Variants in CIMIP2C observed in about 807,000 individuals in gnomAD.
The protein encoded by CIMIP2C is UPF0573 protein C2orf70.
chr2:26,563,415 G>A, the CIMIP2C span, among the ~76,000 whole-genome samples: 3 of 152,172 alleles, frequency 2.0e-5, no homozygotes, highest in Non-Finnish European at 4.4e-5. Flanking sequence ...GTTGCCTCCT[G>A]TTCTTTGGCT....
the CIMIP2C span, chr2:26,575,882 A>C: frequency 1.2e-6 from 2 of 1,606,352 alleles, no homozygotes; most frequent in African/African-American, 1.3e-5. Flanking sequence ...TGGCTCCACC[A>C]CCCCCACCGT....
the CIMIP2C span, among the ~76,000 whole-genome samples, chr2:26,565,046 T>TCCTTCC: frequency 6.6e-6 from 1 of 151,764 alleles, no homozygotes; most frequent in African/African-American, 2.4e-5. Context: ...CTTCTCCTTC[T>TCCTTCC]CCTTCTCCTT....
the CIMIP2C span, among the ~76,000 whole-genome samples, chr2:26,565,685 T>A: frequency 6.6e-6 from 1 of 152,158 alleles, no homozygotes; most frequent in African/African-American, 2.4e-5. Flanking sequence ...ACCTTATCTG[T>A]TCAATGGGGA....
chr2:26,562,604 G>C, the CIMIP2C span: 1 of 1,571,360 alleles, frequency 6.4e-7, no homozygotes, highest in Non-Finnish European at 8.6e-7. Flanking sequence ...CTGTACTCGC[G>C]CACCCACCAT....
At chr2:26,573,341 C>T in the CIMIP2C span, among the ~76,000 whole-genome samples, 1 of 152,238 alleles carries the variant, frequency 6.6e-6, no homozygotes, top group Admixed American at 6.5e-5. Context: ...GGGCACCAGC[C>T]TTTACTGTGG....
the CIMIP2C span, among the ~76,000 whole-genome samples, chr2:26,572,430 G>A: frequency 7.9e-5 from 12 of 151,854 alleles, no homozygotes; most frequent in Admixed American, 5.9e-4. Flanking sequence ...AGAGCTTGTG[G>A]GTGCTTTAGT....
chr2:26,570,997 G>A, the CIMIP2C span, among the ~76,000 whole-genome samples: 1 of 152,150 alleles, frequency 6.6e-6, no homozygotes. Flanking sequence ...TGGCTTAGGT[G>A]GAGGTTGGAG....
chr2:26,572,185 C>T, the CIMIP2C span: 2 of 1,503,074 alleles, frequency 1.3e-6, no homozygotes, highest in Non-Finnish European at 1.8e-6. Flanking sequence ...CCACCCACCC[C>T]CCAATTTTGG....
chr2:26,570,292 C>G, the CIMIP2C span, among the ~76,000 whole-genome samples: 2 of 152,206 alleles, frequency 1.3e-5, no homozygotes, highest in Admixed American at 1.3e-4. Context: ...GAGCCCATCG[C>G]CCCTGTAGGC....
chr2:26,576,214 C>A, the CIMIP2C span: 1 of 1,575,504 alleles, frequency 6.3e-7, no homozygotes, highest in South Asian at 1.2e-5. Context: ...TCCCCTCCTG[C>A]CCACCTGCCC....
the CIMIP2C span, among the ~76,000 whole-genome samples, chr2:26,566,059 C>A: frequency 6.6e-6 from 1 of 152,220 alleles, no homozygotes; most frequent in Non-Finnish European, 1.5e-5. Flanking sequence ...AAGCTTCCTG[C>A]TTGCAAGTCG....
the CIMIP2C span, among the ~76,000 whole-genome samples, chr2:26,576,453 A>G: frequency 6.6e-6 from 1 of 152,174 alleles, no homozygotes; most frequent in African/African-American, 2.4e-5. Context: ...AGGGGTCTCT[A>G]GGGACCTGTC....
chr2:26,566,998 G>A, the CIMIP2C span, among the ~76,000 whole-genome samples: 1 of 152,188 alleles, frequency 6.6e-6, no homozygotes, highest in Non-Finnish European at 1.5e-5. Flanking sequence ...AAGCCAACAT[G>A]CCTGGCCTAA....
the CIMIP2C span, chr2:26,577,681 C>A: frequency 7.4e-7 from 1 of 1,353,882 alleles, no homozygotes; most frequent in South Asian, 1.2e-5. Context: ...ACCCATGGGG[C>A]ACCTGCTCTC....
the CIMIP2C span, among the ~76,000 whole-genome samples, chr2:26,565,821 C>T: frequency 6.6e-6 from 1 of 152,178 alleles, no homozygotes; most frequent in Non-Finnish European, 1.5e-5. Flanking sequence ...TCTAGGAACC[C>T]CGGGGAACAT....
chr2:26,567,284 T>A, the CIMIP2C span, among the ~76,000 whole-genome samples: 2 of 152,308 alleles, frequency 1.3e-5, no homozygotes, highest in Middle Eastern at 3.4e-3. Context: ...CCTGTTCTCA[T>A]GAGAGTTAGT....
chr2:26,576,068 C>T, the CIMIP2C span: 2 of 1,614,248 alleles, frequency 1.2e-6, no homozygotes, highest in African/African-American at 1.3e-5. Context: ...CCCCAACCTC[C>T]TGCTGATGGA....
the CIMIP2C span, chr2:26,579,354 G>A: frequency 1.7e-5 from 28 of 1,614,078 alleles, no homozygotes; most frequent in South Asian, 2.7e-4. Context: ...AGAACCTGAA[G>A]ACCTACCAGA....
the CIMIP2C span, among the ~76,000 whole-genome samples, chr2:26,570,972 T>C: frequency 6.6e-6 from 1 of 151,964 alleles, no homozygotes; most frequent in Non-Finnish European, 1.5e-5. Context: ...GGAGAAGCCA[T>C]CAAGTCCCAG....
Sources: gnomAD v4.1 joint callset for allele counts (sites outside exome capture counted in the v4.1 genomes callset) on GRCh38, gnomAD v4.1.1 for gene constraint, MANE v1.5 for transcripts, NCBI Gene and HGNC (gene_info 2026-07-23, HGNC 2026-07-21) for gene names.